RNF157: variants seen among roughly 807,000 people sequenced by gnomAD.
RNF157 encodes ring finger protein 157.
RNF157 carries 55 observed loss-of-function variants against 88.3 expected under a neutral mutation model. The ratio of observed to expected loss-of-function variants is 0.62; its 90% CI spans 0.50 to 0.78. The LOEUF (loss-of-function observed/expected upper bound fraction) is 0.78. RNF157 is among the 30% of genes least tolerant of loss of function. The pLI is 0.00. For missense variants in RNF157, 788 were observed against 860.8 expected (o/e 0.92, Z 1.06); for synonymous variants, 334 against 341.2 (o/e 0.98, Z 0.23).
chr17:76,218,597 C>G (rs2069930142), intron 1 of RNF157, among the ~76,000 whole-genome samples: 1 of 151,516 alleles, frequency 6.6e-6, no homozygotes, highest in Non-Finnish European at 1.5e-5. Flanking sequence ...TGATCACACC[C>G]CTGGACTCCA....
chr17:76,215,939 A>G (rs1275710301), intron 1 of RNF157, among the ~76,000 whole-genome samples: 1 of 152,170 alleles, frequency 6.6e-6, no homozygotes, highest in Non-Finnish European at 1.5e-5. Flanking sequence ...TGCTAGCCCT[A>G]TTTTCCAAGT....
chr17:76,240,250 G>A lies in RNF157; in HGVS notation c.-10C>T, dbSNP rs1428208684. 7.9e-7 allele frequency: 1 copy of A among 1,265,848 alleles called. No individual in the cohort carries two copies. Among genetic ancestry groups the A allele is most frequent in the Non-Finnish European group, 1.0e-6 (1 of 990,224 alleles). 78.4% of individuals were successfully genotyped at this position (1,265,848 alleles called of 1,614,324 possible). A position where few individuals can be genotyped will look rare whatever the true frequency, so the allele number is the denominator to read the frequency against. ...TCGTCAGGGCCCCCATGGCCGCTGC[G>A]GCTGCAGCCCCGGCCCGGCCCCGGT... On this transcript the variant is annotated 5_prime_UTR_variant, in exon 1 of 19. Coordinates refer to ENST00000269391, the MANE Select transcript of RNF157 (RefSeq NM_052916.3). This position sits in a 1 kb window ranked among gnomAD's most constrained non-coding sequence, Gnocchi z 4.4.
At chr17:76,219,673 A>G (rs2069947705) in intron 1 of RNF157, among the ~76,000 whole-genome samples, 1 of 152,228 alleles carries the variant, frequency 6.6e-6, no homozygotes, top group Admixed American at 6.5e-5. Context: ...AAAAATCAAA[A>G]GTAAAGTGAA....
At chr17:76,200,439 C>T (rs1277979840) in intron 2 of RNF157, among the ~76,000 whole-genome samples, 5 of 152,174 alleles carry the variant, frequency 3.3e-5, no homozygotes, top group Non-Finnish European at 7.3e-5. Context: ...GAACCAAGCA[C>T]ATGCCAAGTG....
intron 2 of RNF157, among the ~76,000 whole-genome samples, chr17:76,185,424 C>T (rs1159016497): frequency 2.0e-5 from 3 of 152,062 alleles, no homozygotes; most frequent in South Asian, 2.1e-4. Flanking sequence ...GTCATCTTTT[C>T]CCCTCCAGCG....
At chr17:76,215,540 T>TAAA (rs146194120) in intron 1 of RNF157, among the ~76,000 whole-genome samples, 1 of 125,090 alleles carries the variant, frequency 8.0e-6, no homozygotes, top group African/African-American at 2.9e-5. Context: ...TATAGCAAAC[T>TAAA]AAAAAAAAAA....
chr17:76,170,537 C>T lies in RNF157; in HGVS notation c.297-2740G>A, dbSNP rs528435273. 2.6e-5 allele frequency among the ~76,000 whole-genome samples: 4 copies of T among 152,292 alleles called. No homozygotes were observed. The South Asian group carries it at 8.3e-4, about 32-fold the overall frequency. Reference sequence around the variant, plus strand: ...GACCTTTCCAGGGAGAGTCATCTGCCTGCCTTTGGCCAAGGTGTAGGAATG... The same window carrying T: ...GACCTTTCCAGGGAGAGTCATCTGCTTGCCTTTGGCCAAGGTGTAGGAATG... On this transcript the variant is annotated intron_variant, in intron 3 of 18. Transcript: ENST00000269391.
chr17:76,229,094 G>A (rs555116059), intron 1 of RNF157, among the ~76,000 whole-genome samples: 2 of 152,154 alleles, frequency 1.3e-5, no homozygotes, highest in East Asian at 1.9e-4. Flanking sequence ...ACCAAGTCTT[G>A]TCTCACACTT....
intron 1 of RNF157, among the ~76,000 whole-genome samples, chr17:76,222,114 G>A (rs1296953678): frequency 6.6e-6 from 1 of 152,226 alleles, no homozygotes; most frequent in Non-Finnish European, 1.5e-5. Flanking sequence ...GGGAGGCTGA[G>A]GCAGGTGGAT....
chr17:76,155,466 G>T (rs769775671), intron 15 of RNF157, 96 bp downstream of exon 15: 3 of 1,507,820 alleles, frequency 2.0e-6, no homozygotes, highest in Non-Finnish European at 2.7e-6. Flanking sequence ...CATTTTGGGG[G>T]CTTTGCAGCC....
At position 76,148,164 on chromosome 17, in the gene RNF157, C is replaced by T. The variant is rs373582825; in HGVS notation, c.1922-2811G>A. On this transcript the variant is annotated intron_variant, in intron 18 of 18. Transcript: ENST00000269391. ...GAATTCAATTTCAGGTCTCCACAAA[C>T]CTTTTTAGATTTCACTGGATATGCT... 9.1e-4 allele frequency among the ~76,000 whole-genome samples: 139 copies of T among 152,000 alleles called. 2 individuals are homozygous for T. Among genetic ancestry groups the T allele is most frequent in the Middle Eastern group, 3.4e-3 (1 of 294 alleles).
At chr17:76,196,438 A>G (rs1455964954) in intron 2 of RNF157, among the ~76,000 whole-genome samples, 1 of 152,228 alleles carries the variant, frequency 6.6e-6, no homozygotes, top group Non-Finnish European at 1.5e-5. Flanking sequence ...TGCTGGCCAC[A>G]GCGGAGGGCT....
chr17:76,170,214 T>G (rs558609583), intron 3 of RNF157, among the ~76,000 whole-genome samples: 2 of 152,056 alleles, frequency 1.3e-5, no homozygotes, highest in South Asian at 4.1e-4. Context: ...CAACATCCAG[T>G]ATGCCAGGAT....
intron 2 of RNF157, among the ~76,000 whole-genome samples, chr17:76,175,165 A>T (rs949242037): frequency 6.6e-6 from 1 of 152,220 alleles, no homozygotes; most frequent in African/African-American, 2.4e-5. Flanking sequence ...TCACCTAAAA[A>T]GATGTGGTAA....
At chr17:76,232,783 C>T (rs1051035763) in intron 1 of RNF157, among the ~76,000 whole-genome samples, 8 of 152,150 alleles carry the variant, frequency 5.3e-5, no homozygotes, top group African/African-American at 1.9e-4. Flanking sequence ...TTTTAGTTAT[C>T]CTAATTCTAA....
At chr17:76,202,239 T>C (rs866703633) in intron 2 of RNF157, among the ~76,000 whole-genome samples, 15 of 151,862 alleles carry the variant, frequency 9.9e-5, no homozygotes, top group South Asian at 2.1e-4. Context: ...TGCCAGGTCC[T>C]TGTGATGTGA....
chr17:76,211,683 T>G (rs951442303), intron 2 of RNF157, among the ~76,000 whole-genome samples: 3 of 152,214 alleles, frequency 2.0e-5, no homozygotes, highest in Non-Finnish European at 4.4e-5. Flanking sequence ...TGATAAGTCC[T>G]AAGTCAAGTG....
At chr17:76,149,995 T>G (rs1198508634) in intron 18 of RNF157, among the ~76,000 whole-genome samples, 1 of 151,940 alleles carries the variant, frequency 6.6e-6, no homozygotes, top group East Asian at 1.9e-4. Context: ...ATCGCGCCAC[T>G]GCACTCCAGG....
In RNF157 at chr17:76,156,247, T is replaced by G; in HGVS notation, c.1488A>C (p.Thr496=). 1.2e-6 allele frequency: 2 copies of G among 1,614,114 alleles called. No individual in the cohort carries two copies. The highest frequency in any genetic ancestry group is 1.7e-6 in the Non-Finnish European group (2 of 1,179,992). Residue 496 remains threonine, a synonymous_variant, in exon 14 of 19, where the codon ACA becomes ACC. Coordinates refer to ENST00000269391, the MANE Select transcript of RNF157 (RefSeq NM_052916.3). ...AAATAGTGGATGACAGAGGCGTCCC[T>G]GTGCAAGACGACTGGTCAATAGCTC... ...SSGAIDQSSC[T]GTPLSSTISS...
Sources: allele counts gnomAD v4.1 joint callset (sites outside exome capture counted in the v4.1 genomes callset), GRCh38; gene constraint gnomAD v4.1.1; non-coding constraint Gnocchi (gnomAD v3.1); transcripts MANE v1.5; gene names NCBI Gene and HGNC (gene_info 2026-07-23, HGNC 2026-07-21).